RIMBP2: variants seen among roughly 807,000 people sequenced by gnomAD.
The protein encoded by RIMBP2 is RIMS binding protein 2.
RIMBP2 carries 48 observed loss-of-function variants against 118.6 expected under a neutral mutation model. That is an observed-to-expected ratio of 0.40 (90% CI 0.32 to 0.51). The LOEUF is 0.51. Among genes scored for constraint, RIMBP2 ranks in the 20% least tolerant of loss-of-function variants. The pLI is 0.41. For synonymous variants in RIMBP2, 762 were observed against 742.9 expected, an observed-to-expected ratio of 1.03 and a Z score of -0.42; for missense variants, 1,551 against 1,768.3, an observed-to-expected ratio of 0.88 and a Z score of 2.20.
At position 130,424,693 on chromosome 12, in the gene RIMBP2, T is replaced by C; in HGVS notation, c.2578A>G (p.Arg860Gly). The C allele has an allele frequency of 8.1e-7, 1 of 1,231,956 alleles. No individual in the cohort carries two copies. The highest frequency in any genetic ancestry group is 1.6e-5 in the African/African-American group (1 of 64,482). The allele number at this position is 1,231,956 out of a possible 1,614,324, so 76.3% of individuals were successfully genotyped here. Residue 860 changes from arginine to glycine, a missense_variant, in exon 16 of 23, where the codon AGG becomes GGG. Transcript: ENST00000690449. The surrounding 1 kb of genome is among the most constrained non-coding windows in gnomAD (Gnocchi z 9.8). ...CTGGGCTCTCTGGCCAGCCCCGTCCTGGCCCTGGGGGACGGCCCTGCACCC... is the reference window on the plus strand; with the variant it reads ...CTGGGCTCTCTGGCCAGCCCCGTCCCGGCCCTGGGGGACGGCCCTGCACCC... Reference protein sequence around the residue: ...KQGAGPSPRARTGLAREPRPG... With the variant: ...KQGAGPSPRAGTGLAREPRPG...
chr12:130,458,572 A>G (rs7955995), intron 6 of RIMBP2, among the ~76,000 whole-genome samples: 24,909 of 152,220 alleles, frequency 0.16, 2,385 homozygotes, highest in African/African-American at 0.28. Flanking sequence ...GGACCCCGGA[A>G]GGCCCTGAGC....
chr12:130,502,720 C>T (rs747282001), intron 4 of RIMBP2, among the ~76,000 whole-genome samples: 1 of 152,186 alleles, frequency 6.6e-6, no homozygotes, highest in Admixed American at 6.5e-5. Flanking sequence ...TTTTCTTCAT[C>T]GGGCAGTTGA....
At chr12:130,574,272 G>A (rs1566289502) in intron 2 of RIMBP2, among the ~76,000 whole-genome samples, 1 of 152,090 alleles carries the variant, frequency 6.6e-6, no homozygotes, top group Non-Finnish European at 1.5e-5. Flanking sequence ...CTGTTGGGGG[G>A]GTGGCGGTGG....
intron 1 of RIMBP2, chr12:130,658,439 A>G (rs1304191030): frequency 6.6e-6 from 1 of 152,224 alleles, no homozygotes; most frequent in African/African-American, 2.4e-5. Flanking sequence ...CACAGTCTCT[A>G]TGCTGCATGT....
intron 6 of RIMBP2, 91 bp from the exon 7 acceptor site, chr12:130,456,791 A>ATGTGCACTGTGTGCACG: frequency 1.0e-6 from 1 of 967,450 alleles, no homozygotes; most frequent in Non-Finnish European, 1.5e-6. Flanking sequence ...ACGTGTGCAC[A>ATGTGCACTGTGTGCACG]TGTGCACTGT....
chr12:130,527,252 T>C (rs891404119), intron 2 of RIMBP2, among the ~76,000 whole-genome samples: 7 of 152,210 alleles, frequency 4.6e-5, no homozygotes, highest in Non-Finnish European at 1.0e-4. Flanking sequence ...AAAGGACAAT[T>C]TGAATGTGAA....
intron 2 of RIMBP2, among the ~76,000 whole-genome samples, chr12:130,618,574 T>C (rs1163094288): frequency 1.3e-5 from 2 of 151,934 alleles, no homozygotes; most frequent in East Asian, 1.9e-4. Context: ...TTTGCCCTTT[T>C]GCCTAGTGCT....
intron 1 of RIMBP2, chr12:130,658,913 T>C (rs7959660): frequency 0.52 from 78,783 of 151,454 alleles, 21,437 homozygotes; most frequent in Non-Finnish European, 0.62. Context: ...AACCATGCTC[T>C]TGGCATCCTC....
At chr12:130,399,564 C>G in intron 22 of RIMBP2, 115 bp downstream of exon 22, 1 of 1,219,932 alleles carries the variant, frequency 8.2e-7, no homozygotes, top group Non-Finnish European at 1.1e-6. Context: ...AAAAAAAATT[C>G]AGGGTGTATT....
At chr12:130,679,800 A>G (rs1352524501) in intron 1 of RIMBP2, among the ~76,000 whole-genome samples, 7 of 152,284 alleles carry the variant, frequency 4.6e-5, no homozygotes, top group Non-Finnish European at 7.3e-5. Flanking sequence ...AATAAAAAAT[A>G]TAAAGATGAA....
chr12:130,683,034 G>A lies in RIMBP2; in HGVS notation c.-352+33188C>T, dbSNP rs994395156. On this transcript the variant is annotated intron_variant, in intron 1 of 22. Transcript: ENST00000690449. The surrounding 1 kb of genome is among the most constrained non-coding windows in gnomAD (Gnocchi z 4.4). Reference sequence around the variant, plus strand: ...TATGTCTCATTCTTTTATCTTTAAGGTGAGGTCGTAGTAGTTGAATAGTGC... The same window carrying A: ...TATGTCTCATTCTTTTATCTTTAAGATGAGGTCGTAGTAGTTGAATAGTGC... Among the ~76,000 whole-genome samples, 11 of 152,180 alleles carry A rather than the reference G, an allele frequency of 7.2e-5. No individual in the cohort carries two copies. Among genetic ancestry groups the A allele is most frequent in the African/African-American group, 2.7e-4 (11 of 41,444 alleles).
In RIMBP2 at chr12:130,400,327, G is replaced by A. The variant is rs117146860; in HGVS notation, c.3766-514C>T. Among the ~76,000 whole-genome samples the A allele has an allele frequency of 2.7e-4, 41 of 152,288 alleles. No individual in the cohort carries two copies. In the East Asian group the frequency reaches 6.9e-3, roughly 26 times the overall value. ...TCTTACTCATGGATAGGTTATTATCGTAAACATTCAAACAATATGGAGAAA... is the reference window on the plus strand; with the variant it reads ...TCTTACTCATGGATAGGTTATTATCATAAACATTCAAACAATATGGAGAAA... On this transcript the variant is annotated intron_variant, in intron 21 of 22. Transcript: ENST00000690449.
chr12:130,677,039 T>C (rs2064524495), intron 1 of RIMBP2, among the ~76,000 whole-genome samples: 1 of 152,088 alleles, frequency 6.6e-6, no homozygotes. Context: ...TTTCAGAACA[T>C]AGTCTAGATT....
intron 1 of RIMBP2, among the ~76,000 whole-genome samples, chr12:130,652,960 A>G (rs989825209): frequency 2.0e-5 from 3 of 152,186 alleles, no homozygotes; most frequent in African/African-American, 2.4e-5. Flanking sequence ...CCATGATCCA[A>G]TCACCTCCCA....
chr12:130,495,044 G>A (rs1460411825), intron 4 of RIMBP2, among the ~76,000 whole-genome samples: 1 of 122,724 alleles, frequency 8.1e-6, no homozygotes, highest in Non-Finnish European at 1.6e-5. Context: ...GTGTCTCTGT[G>A]CCTCTTCTTC....
Position 130,499,872 on chromosome 12 carries a change from G to A in RIMBP2, c.-4+6776C>T, listed in dbSNP as rs11060956. ...TCACTTTTTCCAGAAACTAGAAAGCGTTTGATGCAAAGTGGTTGCTCAATA... is the reference window on the plus strand; with the variant it reads ...TCACTTTTTCCAGAAACTAGAAAGCATTTGATGCAAAGTGGTTGCTCAATA... On this transcript the variant is annotated intron_variant, in intron 4 of 22. Transcript: ENST00000690449. 8.8e-3 allele frequency among the ~76,000 whole-genome samples: 1,334 copies of A among 152,322 alleles called. 13 individuals are homozygous for A. Among genetic ancestry groups the A allele is most frequent in the Admixed American group, 0.036 (552 of 15,302 alleles).
At chr12:130,451,398 C>T (rs1295956528) in intron 7 of RIMBP2, 58 bp from the exon 8 acceptor site, 7 of 1,544,896 alleles carry the variant, frequency 4.5e-6, no homozygotes, top group African/African-American at 4.1e-5. Flanking sequence ...CGTCAAAGCA[C>T]GTTGGTCATG....
intron 2 of RIMBP2, among the ~76,000 whole-genome samples, chr12:130,565,783 A>G (rs1309115411): frequency 6.6e-6 from 1 of 152,246 alleles, no homozygotes; most frequent in African/African-American, 2.4e-5. Flanking sequence ...GGGTGATATG[A>G]AAAACACTGT....
chr12:130,414,086 AG>A (rs1444099790), intron 18 of RIMBP2, 38 bp downstream of exon 18: 2 of 1,606,010 alleles, frequency 1.2e-6, no homozygotes, highest in African/African-American at 2.7e-5. Flanking sequence ...GACCCGCCTC[AG>A]GGGCTGATGA....
Sources: gnomAD v4.1 joint callset for allele counts (sites outside exome capture counted in the v4.1 genomes callset) on GRCh38, gnomAD v4.1.1 for gene constraint, Gnocchi (gnomAD v3.1) non-coding constraint, MANE v1.5 for transcripts, NCBI Gene and HGNC (gene_info 2026-07-23, HGNC 2026-07-21) for gene names.